SIK2: variants seen among roughly 807,000 people sequenced by gnomAD.
SIK2 encodes serine/threonine-protein kinase SIK2.
A neutral mutation model predicts 103.2 loss-of-function variants in SIK2; 29 were observed. The observed-to-expected ratio is 0.28, with a 90% CI of 0.21 to 0.38. SIK2 has a LOEUF of 0.38. SIK2 is among the 10% of genes least tolerant of loss of function. The pLI is 1.00. For missense variants in SIK2, 879 were observed against 1,171.0 expected, an observed-to-expected ratio of 0.75 and a Z score of 3.64; for synonymous variants, 412 against 446.1, an observed-to-expected ratio of 0.92 and a Z score of 0.96.
intron 2 of SIK2, among the ~76,000 whole-genome samples, chr11:111,618,822 A>C (rs1941843775): frequency 6.6e-6 from 1 of 152,150 alleles, no homozygotes; most frequent in Non-Finnish European, 1.5e-5. Flanking sequence ...CTTCAAACTC[A>C]TGGACTCAAG....
In SIK2 at chr11:111,712,483, C is replaced by T. The variant is rs549244042; in HGVS notation, c.1266+108C>T. 1.5e-5 allele frequency: 18 copies of T among 1,169,916 alleles called. No individual in the cohort carries two copies. The South Asian group carries it at 2.7e-4, about 17-fold the overall frequency. The allele number at this position is 1,169,916 out of a possible 1,614,324, so 72.5% of individuals were successfully genotyped here. On this transcript the variant is annotated intron_variant, in intron 9 of 14. Coordinates refer to ENST00000304987, the MANE Select transcript of SIK2 (RefSeq NM_015191.3). ...ATTGAACTTTATCATTTCGTTAAGT[C>T]ACTCAGGAGTGATGCTTTTGTGGAG...
chr11:111,685,933 AT>A (rs949771546), intron 3 of SIK2, among the ~76,000 whole-genome samples: 33 of 152,354 alleles, frequency 2.2e-4, no homozygotes, highest in African/African-American at 6.3e-4. Flanking sequence ...TAATAAAAAA[AT>A]TATGTCAAAT....
At chr11:111,642,548 C>T (rs576260436) in intron 3 of SIK2, among the ~76,000 whole-genome samples, 2 of 152,294 alleles carry the variant, frequency 1.3e-5, no homozygotes, top group East Asian at 3.9e-4. Context: ...CCTCCCAGCA[C>T]CTCAGTGTGT....
chr11:111,669,251 T>A (rs1384984292), intron 3 of SIK2, among the ~76,000 whole-genome samples: 1 of 152,146 alleles, frequency 6.6e-6, no homozygotes, highest in Non-Finnish European at 1.5e-5. Flanking sequence ...CTAGAGGAAA[T>A]ACATTTGTAT....
chr11:111,727,160 G>A lies in SIK2; in HGVS notation c.*3031G>A. On this transcript the variant is annotated 3_prime_UTR_variant, in exon 15 of 15. Coordinates refer to ENST00000304987, the MANE Select transcript of SIK2 (RefSeq NM_015191.3). ...AGCTGCCCCCTCGCCACCTCTGCCT[G>A]CACTGCCTTCTGTCACCGTGGGAAA... is the stretch of plus-strand genomic sequence containing the variant. The A allele has an allele frequency of 4.4e-6, 4 of 917,228 alleles. No homozygotes were observed. Among genetic ancestry groups the A allele is most frequent in the Non-Finnish European group, 7.0e-6 (4 of 569,168 alleles). The allele number at this position is 917,228 out of a possible 1,614,324, so 56.8% of individuals were successfully genotyped here.
intron 3 of SIK2, among the ~76,000 whole-genome samples, chr11:111,624,761 T>C (rs750409398): frequency 6.6e-6 from 1 of 152,080 alleles, no homozygotes; most frequent in Non-Finnish European, 1.5e-5. Context: ...GCAAGGCTGG[T>C]TGGTTGGGAG....
In SIK2 at chr11:111,723,340, A is replaced by G. The variant is rs569783226; in HGVS notation, c.2148-156A>G. 3.3e-5 allele frequency among the ~76,000 whole-genome samples: 5 copies of G among 152,330 alleles called. No homozygotes were observed. The South Asian group carries it at 1.0e-3, about 32-fold the overall frequency. ...GGCAAAACATGAGATTAGGTTTAAG[A>G]GACCCAACACAATTGGTTCCCATTC... On this transcript the variant is annotated intron_variant, in intron 14 of 14. Transcript: ENST00000304987.
Position 111,721,010 on chromosome 11 carries a change from A to G in SIK2, c.1892A>G (p.Asn631Ser), listed in dbSNP as rs752586154. The G allele has an allele frequency of 2.5e-6, 4 of 1,614,142 alleles. No homozygotes were observed. The highest frequency in any genetic ancestry group is 1.7e-5 in the Admixed American group (1 of 60,028). Residue 631 changes from asparagine to serine, a missense_variant, in exon 12 of 15, where the codon AAC becomes AGC. By Grantham distance (46) the Asn-to-Ser change is conservative (BLOSUM62 1). Transcript: ENST00000304987. ...CAAATAGGACCGGAGGCAGACCCTA[A>G]CCTGGCGCCGGCGGCTCCTCAGCTC... is the stretch of plus-strand genomic sequence containing the variant. Reference protein sequence around the residue: ...YEQIGPEADPNLAPAAPQLQD... With the variant: ...YEQIGPEADPSLAPAAPQLQD...
At chr11:111,638,148 G>A (rs1484031831) in intron 3 of SIK2, among the ~76,000 whole-genome samples, 2 of 152,210 alleles carry the variant, frequency 1.3e-5, no homozygotes, top group East Asian at 1.9e-4. Flanking sequence ...CTACCCATAA[G>A]GTAAAGCCTG....
intron 3 of SIK2, among the ~76,000 whole-genome samples, chr11:111,634,759 A>G (rs1048695586): frequency 6.6e-6 from 1 of 152,204 alleles, no homozygotes; most frequent in Non-Finnish European, 1.5e-5. Flanking sequence ...TGGTATAATG[A>G]TCTGCCCCGT....
chr11:111,693,326 C>T (rs1161606732), intron 4 of SIK2, among the ~76,000 whole-genome samples: 1 of 148,472 alleles, frequency 6.7e-6, no homozygotes, highest in Non-Finnish European at 1.5e-5. Flanking sequence ...GAGGAGACTC[C>T]GTCTCAAAAA....
At chr11:111,709,705 A>G (rs996915559) in intron 8 of SIK2, among the ~76,000 whole-genome samples, 22 of 152,334 alleles carry the variant, frequency 1.4e-4, no homozygotes, top group Middle Eastern at 3.4e-3. Flanking sequence ...TGTTCCAAAA[A>G]GACTCCTTTG....
chr11:111,625,901 T>A (rs996228417), intron 3 of SIK2, among the ~76,000 whole-genome samples: 1 of 152,228 alleles, frequency 6.6e-6, no homozygotes, highest in Non-Finnish European at 1.5e-5. Flanking sequence ...ACTGTAGTTT[T>A]ACAAGTAAAG....
chr11:111,613,584 T>C (rs1034842927), intron 1 of SIK2, among the ~76,000 whole-genome samples: 1 of 151,928 alleles, frequency 6.6e-6, no homozygotes, highest in African/African-American at 2.4e-5. Flanking sequence ...TTGAGGGGGG[T>C]TTCTTTAAAT....
chr11:111,686,099 T>G (rs773468386), intron 3 of SIK2, among the ~76,000 whole-genome samples: 3 of 152,198 alleles, frequency 2.0e-5, no homozygotes, highest in African/African-American at 7.2e-5. Context: ...CACTGTGATA[T>G]GAACATGCTT....
At chr11:111,649,317 T>C (rs1942298509) in intron 3 of SIK2, among the ~76,000 whole-genome samples, 1 of 152,190 alleles carries the variant, frequency 6.6e-6, no homozygotes, top group Non-Finnish European at 1.5e-5. Context: ...AAATAATATA[T>C]TGTTACTGTA....
intron 3 of SIK2, among the ~76,000 whole-genome samples, chr11:111,625,328 C>T (rs1270260636): frequency 6.6e-6 from 1 of 151,990 alleles, no homozygotes; most frequent in Admixed American, 6.6e-5. Context: ...TGTTGACAGC[C>T]CAGACCGGGG....
At chr11:111,604,682 T>G (rs773527301) in intron 1 of SIK2, among the ~76,000 whole-genome samples, 5 of 152,230 alleles carry the variant, frequency 3.3e-5, no homozygotes, top group Non-Finnish European at 4.4e-5. Flanking sequence ...GAAAGAGGAC[T>G]TAGATCCTAA....
chr11:111,652,383 A>G (rs1942338240), intron 3 of SIK2, among the ~76,000 whole-genome samples: 1 of 152,210 alleles, frequency 6.6e-6, no homozygotes, highest in Non-Finnish European at 1.5e-5. Context: ...AAATTGGTAG[A>G]GCAGCGAAAT....
Sources: gnomAD v4.1 joint callset for allele counts (sites outside exome capture counted in the v4.1 genomes callset) on GRCh38, gnomAD v4.1.1 for gene constraint, MANE v1.5 for transcripts, NCBI Gene and HGNC (gene_info 2026-07-23, HGNC 2026-07-21) for gene names.